The following MED13L variants were observed in gnomAD, a reference collection of about 807,000 sequenced individuals.
The protein encoded by MED13L is mediator complex subunit 13L, also known as mediator of RNA polymerase II transcription subunit 13-like.
A neutral mutation model predicts 220.9 loss-of-function variants in MED13L; 7 were observed. That is an observed-to-expected ratio of 0.03 (90% CI 0.02 to 0.06). The LOEUF (loss-of-function observed/expected upper bound fraction) is 0.06, where lower values mean the gene tolerates loss of function less well. Among genes scored for constraint, MED13L ranks in the 10% least tolerant of loss-of-function variants. The pLI is 1.00. For synonymous variants in MED13L, 1,011 were observed against 1,015.2 expected (o/e 1.00, Z 0.08); for missense variants, 1,965 against 2,760.5 (o/e 0.71, Z 6.46).
chr12:116,007,588 C>A lies in MED13L; in HGVS notation c.2061G>T (p.Gln687His), dbSNP rs770538291. The A allele has an allele frequency of 6.4e-7, 1 of 1,574,002 alleles. No homozygotes were observed. Among genetic ancestry groups the A allele is most frequent in the Non-Finnish European group, 8.6e-7 (1 of 1,161,266 alleles). ...NKRFKIWQDK[Q>H]PQLQPLHFLD... is the part of the protein sequence containing the mutation. The stretch of plus-strand genomic sequence containing the variant: ...GGAAGTGGAGTGGCTGCAACTGGGG[C>A]TGTTTGTCTTGCCAGATTTTAAACC... The change falls in exon 11 of 31, where the codon CAG (glutamine) becomes CAT (histidine). Residue 687 changes from glutamine to histidine, a missense_variant. Coordinates refer to ENST00000281928, the MANE Select transcript of MED13L (RefSeq NM_015335.5).
In MED13L at chr12:116,019,295, C is replaced by A; in HGVS notation, c.938G>T (p.Gly313Val). The change falls in exon 7 of 31, where the codon GGT becomes GTT. Residue 313 changes from glycine (G) to valine (V), a missense_variant. Around this residue, in one of 10 missense-constraint regions of MED13L, gnomAD observed 818 missense variants for 1,041.2 expected, o/e 0.79. Transcript: ENST00000281928. ...ACAGTTACTTGGGTCCTTCACACTA[C>A]CAAGCCCTTGCTGCCCAACTGCAAT... ...GHIAVGQQGL[G>V]SVKDPSNCGM... The A allele has an allele frequency of 6.2e-7, 1 of 1,614,008 alleles. No homozygotes were observed. Among genetic ancestry groups the A allele is most frequent in the Non-Finnish European group, 8.5e-7 (1 of 1,179,938 alleles).
At position 115,971,442 on chromosome 12, in the gene MED13L, A is replaced by C. The variant is rs79056150; in HGVS notation, c.5890+636T>G. Among the ~76,000 whole-genome samples, 58 of 152,354 alleles carry C rather than the reference A, an allele frequency of 3.8e-4. No individual in the cohort carries two copies. In the East Asian group the frequency reaches 8.5e-3, roughly 22 times the overall value. On this transcript the variant is annotated intron_variant, in intron 26 of 30. Coordinates refer to ENST00000281928, the MANE Select transcript of MED13L (RefSeq NM_015335.5). Reference sequence around the variant, plus strand: ...AAGGAATAAGTGGGGAAGGTCCCCCATTTGATTCAAGAAATATCTGGATGG... The same window carrying C: ...AAGGAATAAGTGGGGAAGGTCCCCCCTTTGATTCAAGAAATATCTGGATGG...
intron 1 of MED13L, among the ~76,000 whole-genome samples, chr12:116,249,704 GTGGGTTTA>G (rs1299848219): frequency 1.0e-5 from 1 of 98,682 alleles, no homozygotes; most frequent in African/African-American, 4.1e-5. Context: ...AAAATTCGCT[GTGGGTTTA>G]ACAGCAGATT....
At chr12:115,988,120 T>C (rs1347038451) in intron 17 of MED13L, among the ~76,000 whole-genome samples, 1 of 152,180 alleles carries the variant, frequency 6.6e-6, no homozygotes, top group East Asian at 1.9e-4. Context: ...TGCCTCCCTC[T>C]TACCCTTCTA....
chr12:116,014,912 T>C (rs1879633622), intron 8 of MED13L, among the ~76,000 whole-genome samples, 197 bp downstream of exon 8: 1 of 152,216 alleles, frequency 6.6e-6, no homozygotes, highest in Non-Finnish European at 1.5e-5. Context: ...TCCTCGATAA[T>C]GAAATCAAGT....
In MED13L at chr12:116,043,308, T is replaced by G. The variant is rs187552765; in HGVS notation, c.480-20707A>C. ...ATTAATTTATTCTATGCAATGCACT[T>G]GTAATTCTTCCACTTTCAGTCAAGA... On this transcript the variant is annotated intron_variant, in intron 4 of 30. Transcript: ENST00000281928. Among the ~76,000 whole-genome samples, 8 of 152,346 alleles carry G rather than the reference T, an allele frequency of 5.3e-5. No individual in the cohort carries two copies. In the East Asian group the frequency reaches 1.5e-3, roughly 29 times the overall value.
At chr12:116,034,134 T>G (rs930332877) in intron 4 of MED13L, among the ~76,000 whole-genome samples, 1 of 152,116 alleles carries the variant, frequency 6.6e-6, no homozygotes, top group Admixed American at 6.5e-5. Flanking sequence ...ACTAAAATGC[T>G]CCTACACATC....
chr12:116,081,340 T>C (rs1871229119), intron 4 of MED13L, among the ~76,000 whole-genome samples: 1 of 152,240 alleles, frequency 6.6e-6, no homozygotes, highest in African/African-American at 2.4e-5. Flanking sequence ...TTTGTCTTTT[T>C]GTAAACTGTA....
At chr12:116,088,877 T>C (rs902417328) in intron 4 of MED13L, among the ~76,000 whole-genome samples, 8 of 152,042 alleles carry the variant, frequency 5.3e-5, no homozygotes, top group African/African-American at 1.2e-4. Flanking sequence ...CACTATATCA[T>C]TGTTCAGAAT....
At chr12:116,051,036 C>A (rs898124272) in intron 4 of MED13L, among the ~76,000 whole-genome samples, 10 of 151,790 alleles carry the variant, frequency 6.6e-5, no homozygotes. Context: ...GTATATTGTA[C>A]AAAACTGTAT....
At chr12:116,019,549 G>T in intron 6 of MED13L, 137 bp from the exon 7 acceptor site, 1 of 1,128,590 alleles carries the variant, frequency 8.9e-7, no homozygotes, top group Non-Finnish European at 1.3e-6. Flanking sequence ...TCTTTCATAA[G>T]TTAATAGCTG....
At chr12:116,050,919 T>A (rs1028200818) in intron 4 of MED13L, among the ~76,000 whole-genome samples, 2 of 151,680 alleles carry the variant, frequency 1.3e-5, no homozygotes, top group Non-Finnish European at 2.9e-5. Context: ...GGCAACAGAG[T>A]GAGACTCCAT....
rs1192833943 is a variant in MED13L at position 116,156,045 on chromosome 12, CA to C, written c.311-44534del. Among the ~76,000 whole-genome samples the C allele has an allele frequency of 3.0e-4, 45 of 152,078 alleles. 1 individual carries two copies. Among genetic ancestry groups the C allele is most frequent in the Admixed American group, 3.0e-3 (45 of 15,242 alleles). On this transcript the variant is annotated intron_variant, in intron 2 of 30. Transcript: ENST00000281928. ...GCAATTACTTTCACGTTTCTATAGACAATTCACTCTAGAATGGTTTTTCTTA... is the reference window on the plus strand; with the variant it reads ...GCAATTACTTTCACGTTTCTATAGACATTCACTCTAGAATGGTTTTTCTTA...
chr12:116,020,903 A>G (rs748931491), intron 5 of MED13L, among the ~76,000 whole-genome samples: 3 of 152,144 alleles, frequency 2.0e-5, no homozygotes, highest in African/African-American at 4.8e-5. Flanking sequence ...AAAGAGCTAG[A>G]TCATATGTCA....
intron 2 of MED13L, among the ~76,000 whole-genome samples, chr12:116,196,173 G>T (rs1336156624): frequency 6.6e-6 from 1 of 151,974 alleles, no homozygotes; most frequent in Non-Finnish European, 1.5e-5. Flanking sequence ...TAACCTAATG[G>T]ATAATCTAAC....
chr12:116,252,104 G>T (rs117796617), intron 1 of MED13L, among the ~76,000 whole-genome samples: 1 of 152,080 alleles, frequency 6.6e-6, no homozygotes, highest in Non-Finnish European at 1.5e-5. Context: ...GACTTCAATA[G>T]GCCTCCTCTC....
intron 1 of MED13L, among the ~76,000 whole-genome samples, chr12:116,271,775 G>A (rs570163116): frequency 2.6e-5 from 4 of 151,786 alleles, no homozygotes; most frequent in East Asian, 1.9e-4. Flanking sequence ...TCATTTCTAC[G>A]GTTGCAATGC....
intron 4 of MED13L, among the ~76,000 whole-genome samples, chr12:116,073,081 T>C (rs1448137646): frequency 3.3e-5 from 5 of 152,196 alleles, no homozygotes; most frequent in Non-Finnish European, 5.9e-5. Context: ...AGACCATTCA[T>C]TGTGAATATG....
intron 7 of MED13L, among the ~76,000 whole-genome samples, chr12:116,018,061 T>A (rs768623369): frequency 2.0e-5 from 3 of 152,122 alleles, no homozygotes; most frequent in Non-Finnish European, 4.4e-5. Flanking sequence ...ACTTCGAGTT[T>A]TGAATATTGC....
Sources: gnomAD v4.1 joint callset for allele counts (sites outside exome capture counted in the v4.1 genomes callset) on GRCh38, gnomAD v4.1.1 for gene constraint, gnomAD v4.1.1 regional missense constraint, MANE v1.5 for transcripts, NCBI Gene and HGNC (gene_info 2026-07-23, HGNC 2026-07-21) for gene names.